TPPP2: variants seen among roughly 807,000 people sequenced by gnomAD.
TPPP2 encodes the protein tubulin polymerization-promoting protein family member 2.
In TPPP2, 8 loss-of-function variants were observed where a neutral mutation model predicts 13.0. The ratio of observed to expected loss-of-function variants is 0.62; its 90% CI spans 0.36 to 1.11. TPPP2 has a LOEUF of 1.11. Among genes scored for constraint, TPPP2 ranks in the 50% most tolerant of loss-of-function variants. The pLI is 0.02. For synonymous variants in TPPP2, 81 were observed against 81.8 expected, an observed-to-expected ratio of 0.99 and a Z score of 0.05; for missense variants, 213 against 216.9, an observed-to-expected ratio of 0.98 and a Z score of 0.11.
rs1594479772 is a variant in TPPP2 at position 21,032,253 on chromosome 14, A to T, written c.*176A>T. On this transcript the variant is annotated 3_prime_UTR_variant, in exon 4 of 4. Transcript: ENST00000321760. ...GGCAGCACAGGAGGGTGGGTTCTCC[A>T]CCACACACCCTTCGCTCTGCTTAGC... is the stretch of plus-strand genomic sequence containing the variant. The T allele has an allele frequency of 4.2e-6, 3 of 708,758 alleles. No homozygotes were observed. The highest frequency in any genetic ancestry group is 7.6e-6 in the Non-Finnish European group (3 of 394,116). The allele number at this position is 708,758 out of a possible 1,614,324, so 43.9% of individuals were successfully genotyped here.
chr14:21,032,324 T>G lies in TPPP2; in HGVS notation c.*247T>G. The G allele has an allele frequency of 1.7e-6, 1 of 602,016 alleles. No individual in the cohort carries two copies. The highest frequency in any genetic ancestry group is 3.1e-6 in the Non-Finnish European group (1 of 320,976). The allele number at this position is 602,016 out of a possible 1,614,324, so 37.3% of individuals were successfully genotyped here. A position where few individuals can be genotyped will look rare whatever the true frequency, so the allele number is the denominator to read the frequency against. ...GTTAGCATTCCTCCTCAACAGCTGCTTCCAAGAACAGGATGGAAGAATATA... is the reference window on the plus strand; with the variant it reads ...GTTAGCATTCCTCCTCAACAGCTGCGTCCAAGAACAGGATGGAAGAATATA... On this transcript the variant is annotated 3_prime_UTR_variant, in exon 4 of 4. Coordinates refer to ENST00000321760, the MANE Select transcript of TPPP2 (RefSeq NM_173846.5).
At chr14:21,034,302 A>G, downstream of TPPP2, 1 of 1,596,462 alleles carries the variant, frequency 6.3e-7, no homozygotes, top group South Asian at 1.1e-5. Context: ...TCCTGCTGGT[A>G]GAGTTAAGGT....
At chr14:21,027,716 T>G (rs1883792005), upstream of TPPP2, among the ~76,000 whole-genome samples, 1 of 152,218 alleles carries the variant, frequency 6.6e-6, no homozygotes, top group African/African-American at 2.4e-5. Flanking sequence ...TACATACAGA[T>G]TCTAGGGCCC....
chr14:21,036,286 T>C (rs1884621993), downstream of TPPP2: 1 of 456,106 alleles, frequency 2.2e-6, no homozygotes, highest in Non-Finnish European at 4.4e-6. Context: ...AGAAAAAGTG[T>C]GATCCCTTCT....
chr14:21,034,113 A>G (rs1426627678), downstream of TPPP2: 12 of 1,614,232 alleles, frequency 7.4e-6, no homozygotes, highest in South Asian at 1.1e-5. Context: ...CTTGCCTCGC[A>G]TATAGGACAT....
At chr14:21,029,857 C>T (rs1221828528), upstream of TPPP2, among the ~76,000 whole-genome samples, 1 of 152,314 alleles carries the variant, frequency 6.6e-6, no homozygotes, top group Non-Finnish European at 1.5e-5. Flanking sequence ...TTAGACTTCT[C>T]AGCCTTCAGA....
rs1166307965 is a variant in TPPP2, at chr14:21,032,228, G to A, written c.*151G>A. On this transcript the variant is annotated 3_prime_UTR_variant, in exon 4 of 4. Transcript: ENST00000321760. ...TACTAGTGTAGAGAGAGGGAGAAGA[G>A]GCAGCACAGGAGGGTGGGTTCTCCA... 1.2e-6 allele frequency: 1 copy of A among 821,522 alleles called. No homozygotes were observed. The highest frequency in any genetic ancestry group is 2.0e-6 in the Non-Finnish European group (1 of 492,026). 50.9% of individuals were successfully genotyped at this position (821,522 alleles called of 1,614,324 possible). A position where few individuals can be genotyped will look rare whatever the true frequency, so the allele number is the denominator to read the frequency against.
downstream of TPPP2, chr14:21,034,892 G>A (rs1219109490): frequency 6.6e-6 from 1 of 152,648 alleles, no homozygotes; most frequent in East Asian, 1.9e-4. Flanking sequence ...CCTCTACAGT[G>A]TCATTGGAAC....
At chr14:21,033,728 G>C (rs1324603633), downstream of TPPP2, 1 of 949,658 alleles carries the variant, frequency 1.1e-6, no homozygotes. Context: ...TGCCTCGTAA[G>C]TCAGGAAGGA....
chr14:21,032,394 C>G lies in TPPP2; in HGVS notation c.*317C>G, dbSNP rs1884276475. The G allele has an allele frequency of 2.1e-6, 1 of 467,978 alleles. No homozygotes were observed. The highest frequency in any genetic ancestry group is 1.6e-5 in the South Asian group (1 of 60,952). 29.0% of individuals were successfully genotyped at this position (467,978 alleles called of 1,614,324 possible). ...CCAGATGTGGAGGTAAAAGTATCTA[C>G]TACTTGTGTTCACACATTACTGATA... is the stretch of plus-strand genomic sequence containing the variant. On this transcript the variant is annotated 3_prime_UTR_variant, in exon 4 of 4. Coordinates refer to ENST00000321760, the MANE Select transcript of TPPP2 (RefSeq NM_173846.5).
downstream of TPPP2, among the ~76,000 whole-genome samples, chr14:21,035,535 C>T (rs1884565228): frequency 6.6e-6 from 1 of 152,202 alleles, no homozygotes; most frequent in Admixed American, 6.5e-5. Flanking sequence ...TGCAAGGTGT[C>T]TTCCAGATTT....
At chr14:21,027,991 C>T (rs944853979), upstream of TPPP2, among the ~76,000 whole-genome samples, 2 of 152,238 alleles carry the variant, frequency 1.3e-5, no homozygotes, top group African/African-American at 2.4e-5. Flanking sequence ...CCCCTAATAC[C>T]GTAAGGTTAG....
chr14:21,025,459 G>C (rs1022126709), upstream of TPPP2: 3 of 985,358 alleles, frequency 3.0e-6, no homozygotes, highest in Admixed American at 1.8e-4. This position sits in a 1 kb window ranked among gnomAD's most constrained non-coding sequence, Gnocchi z 5.1. Context: ...AACCGGTAGT[G>C]GGGAGACGAA....
At chr14:21,030,818 G>C (rs1884042565) in intron 2 of TPPP2, 64 bp downstream of exon 2, 1 of 1,572,066 alleles carries the variant, frequency 6.4e-7, no homozygotes, top group Non-Finnish European at 8.7e-7. Flanking sequence ...GCCACGGAAG[G>C]GTTCACGTGG....
At chr14:21,028,412 C>T (rs1322532243), upstream of TPPP2, 2 of 152,192 alleles carry the variant, frequency 1.3e-5, no homozygotes, top group African/African-American at 4.8e-5. Context: ...CCACCACTCC[C>T]AACTAATTTT....
chr14:21,025,518 G>A (rs1030647986), upstream of TPPP2: 76 of 985,370 alleles, frequency 7.7e-5, 1 homozygote, highest in Admixed American at 1.2e-4. The surrounding 1 kb of genome is among the most constrained non-coding windows in gnomAD (Gnocchi z 5.1). Context: ...CCCGAACACA[G>A]AGAACTAGAT....
rs1883140666 is a variant in TPPP2 at position 21,025,031 on chromosome 14, G to A, written n.236+687G>A. ...CCCTCGCCTGCCCCTCCCCCTACCTGCTGCCGCCGCGGCCGCTTCCACCTT... is the reference window on the plus strand; with the variant it reads ...CCCTCGCCTGCCCCTCCCCCTACCTACTGCCGCCGCGGCCGCTTCCACCTT... On this transcript the variant is annotated intron_variant and non_coding_transcript_variant, in intron 1 of 1. Coordinates refer to the TPPP2 transcript ENST00000533755. The surrounding 1 kb of genome is among the most constrained non-coding windows in gnomAD (Gnocchi z 5.1). 1 of 985,618 alleles carries A rather than the reference G, an allele frequency of 1.0e-6. No homozygotes were observed. Among genetic ancestry groups the A allele is most frequent in the South Asian group, 4.7e-5 (1 of 21,292 alleles). The allele number at this position is 985,618 out of a possible 1,614,324, so 61.1% of individuals were successfully genotyped here.
downstream of TPPP2, chr14:21,033,125 C>T (rs560423427): frequency 1.6e-5 from 6 of 385,458 alleles, no homozygotes; most frequent in Admixed American, 3.5e-5. Context: ...GGTAAGAAGA[C>T]TGGAAGAAAA....
chr14:21,031,035 C>A lies in TPPP2; in HGVS notation c.197C>A (p.Thr66Lys). 8 of 1,613,228 alleles carry A rather than the reference C, an allele frequency of 5.0e-6. No individual in the cohort carries two copies. Among genetic ancestry groups the A allele is most frequent in the South Asian group, 1.1e-5 (1 of 90,884 alleles). ...KVKAKNARTI[T>K]FQQFKEAVKE... ...AGGGCCAAGAACGCCCGAACCATCA[C>A]GTTTCAACAGTTCAAAGAGGCAGTG... Residue 66 changes from threonine (T) to lysine (K), a missense_variant, in exon 3 of 4, where the codon ACG (threonine) becomes AAG (lysine). Transcript: ENST00000321760.
Sources: allele counts gnomAD v4.1 joint callset (sites outside exome capture counted in the v4.1 genomes callset), GRCh38; gene constraint gnomAD v4.1.1; non-coding constraint Gnocchi (gnomAD v3.1); transcripts MANE v1.5; gene names NCBI Gene and HGNC (gene_info 2026-07-23, HGNC 2026-07-21).